Variants in LRRTM4 observed in about 807,000 individuals in gnomAD.
LRRTM4 encodes leucine rich repeat transmembrane neuronal 4.
In LRRTM4, 25 loss-of-function variants were observed where a neutral mutation model predicts 47.6. The observed-to-expected ratio is 0.53, with a 90% CI of 0.38 to 0.73. The LOEUF (loss-of-function observed/expected upper bound fraction) is 0.73. LRRTM4 is among the 30% of genes least tolerant of loss of function. LRRTM4 has a pLI of 0.00. For missense variants in LRRTM4, 638 were observed against 713.4 expected, an observed-to-expected ratio of 0.89 and a Z score of 1.20; for synonymous variants, 311 against 269.5, an observed-to-expected ratio of 1.15 and a Z score of -1.51.
intron 3 of LRRTM4, among the ~76,000 whole-genome samples, chr2:77,185,288 T>G (rs1486514434): frequency 6.6e-6 from 1 of 152,126 alleles, no homozygotes; most frequent in African/African-American, 2.4e-5. Context: ...AATTGTCCAG[T>G]GTCGTTCTTC....
intron 3 of LRRTM4, among the ~76,000 whole-genome samples, chr2:77,471,608 A>G (rs1447333928): frequency 2.0e-5 from 3 of 152,082 alleles, no homozygotes; most frequent in Non-Finnish European, 1.5e-5. Flanking sequence ...GTTGATCCTC[A>G]AACAAACCCA....
intron 3 of LRRTM4, among the ~76,000 whole-genome samples, chr2:77,399,210 C>A (rs1457538751): frequency 2.0e-5 from 3 of 149,308 alleles, no homozygotes; most frequent in South Asian, 2.1e-4. Context: ...AAATTAATTA[C>A]TTTTAATTGA....
chr2:77,397,412 T>C (rs1404616676), intron 3 of LRRTM4, among the ~76,000 whole-genome samples: 1 of 151,852 alleles, frequency 6.6e-6, no homozygotes, highest in African/African-American at 2.4e-5. Context: ...TATCAGCAGA[T>C]AGTGAATCAG....
At chr2:76,979,881 T>C (rs1190660827) in intron 3 of LRRTM4, among the ~76,000 whole-genome samples, 1 of 151,954 alleles carries the variant, frequency 6.6e-6, no homozygotes, top group Non-Finnish European at 1.5e-5. Context: ...CTATAATAAC[T>C]TCTTTTCTTC....
intron 3 of LRRTM4, among the ~76,000 whole-genome samples, chr2:77,419,467 T>C (rs1315075847): frequency 6.6e-6 from 1 of 152,184 alleles, no homozygotes; most frequent in Non-Finnish European, 1.5e-5. Flanking sequence ...CTTTTAATCA[T>C]CTCTAGATTA....
chr2:76,828,031 A>G (rs976368028), intron 3 of LRRTM4, among the ~76,000 whole-genome samples: 2 of 151,982 alleles, frequency 1.3e-5, no homozygotes, highest in Non-Finnish European at 2.9e-5. Flanking sequence ...GCCTATGTTG[A>G]AAAAGTATTG....
At chr2:76,919,051 T>C (rs1014489055) in intron 3 of LRRTM4, among the ~76,000 whole-genome samples, 1 of 152,268 alleles carries the variant, frequency 6.6e-6, no homozygotes, top group Admixed American at 6.5e-5. Context: ...TGCCAGATTC[T>C]AGGTAATCTT....
chr2:77,393,625 G>A (rs1459613295), intron 3 of LRRTM4, among the ~76,000 whole-genome samples: 2 of 152,004 alleles, frequency 1.3e-5, no homozygotes, highest in Non-Finnish European at 2.9e-5. Flanking sequence ...ACAAGTCACT[G>A]TGATCAGGTT....
At chr2:76,887,285 G>A (rs1287238714) in intron 3 of LRRTM4, among the ~76,000 whole-genome samples, 1 of 151,580 alleles carries the variant, frequency 6.6e-6, no homozygotes, top group African/African-American at 2.4e-5. Flanking sequence ...TCATGAGAAA[G>A]TTAACATATA....
At chr2:77,454,359 G>A (rs184535370) in intron 3 of LRRTM4, among the ~76,000 whole-genome samples, 1 of 152,148 alleles carries the variant, frequency 6.6e-6, no homozygotes, top group African/African-American at 2.4e-5. Flanking sequence ...ATCATTTAAA[G>A]CTGTGACGGC....
chr2:76,859,881 T>C (rs1032307277), intron 3 of LRRTM4, among the ~76,000 whole-genome samples: 1 of 152,204 alleles, frequency 6.6e-6, no homozygotes, highest in Non-Finnish European at 1.5e-5. Context: ...TAAATAAATA[T>C]ATGGTTTCTC....
chr2:77,082,024 A>C (rs1176102152), intron 3 of LRRTM4, among the ~76,000 whole-genome samples: 1 of 152,148 alleles, frequency 6.6e-6, no homozygotes, highest in African/African-American at 2.4e-5. Context: ...ATTTAGCATT[A>C]CCTAGTTTAG....
At chr2:77,044,689 A>C (rs1437047765) in intron 3 of LRRTM4, among the ~76,000 whole-genome samples, 1 of 151,676 alleles carries the variant, frequency 6.6e-6, no homozygotes, top group Non-Finnish European at 1.5e-5. Context: ...ACATATTACA[A>C]AATATATATA....
At chr2:77,150,761 ATTG>A (rs1672395859) in intron 3 of LRRTM4, among the ~76,000 whole-genome samples, 1 of 152,154 alleles carries the variant, frequency 6.6e-6, no homozygotes, top group Non-Finnish European at 1.5e-5. Context: ...ATTGTGTACC[ATTG>A]TTTATATTAT....
chr2:77,085,045 C>T (rs1168835836), intron 3 of LRRTM4, among the ~76,000 whole-genome samples: 3 of 152,068 alleles, frequency 2.0e-5, no homozygotes, highest in African/African-American at 7.2e-5. Flanking sequence ...TCAACTAAAG[C>T]TACTTTGATT....
chr2:77,371,673 G>A (rs1672661560), intron 3 of LRRTM4, among the ~76,000 whole-genome samples: 1 of 151,708 alleles, frequency 6.6e-6, no homozygotes, highest in African/African-American at 2.4e-5. Context: ...TCTGCTCTAA[G>A]TCCTGACTAC....
chr2:77,063,094 A>T (rs1163367619), intron 3 of LRRTM4, among the ~76,000 whole-genome samples: 1 of 151,514 alleles, frequency 6.6e-6, no homozygotes, highest in Non-Finnish European at 1.5e-5. Flanking sequence ...AGCTGGGACT[A>T]CAGGCACATG....
At chr2:77,097,100 A>T (rs1670832265) in intron 3 of LRRTM4, among the ~76,000 whole-genome samples, 1 of 151,958 alleles carries the variant, frequency 6.6e-6, no homozygotes, top group Admixed American at 6.6e-5. Context: ...GTATTATCAG[A>T]TTAAAATTTA....
At chr2:76,813,013 A>G (rs2103828535) in intron 3 of LRRTM4, among the ~76,000 whole-genome samples, 1 of 152,034 alleles carries the variant, frequency 6.6e-6, no homozygotes, top group East Asian at 1.9e-4. Flanking sequence ...AAAATACAAA[A>G]AATTAGCTGG....
Sources: gnomAD v4.1 joint callset for allele counts (sites outside exome capture counted in the v4.1 genomes callset) on GRCh38, gnomAD v4.1.1 for gene constraint, MANE v1.5 for transcripts, NCBI Gene and HGNC (gene_info 2026-07-23, HGNC 2026-07-21) for gene names.